Variants in GLT1D1 observed in about 807,000 individuals in gnomAD.
GLT1D1 encodes the protein glycosyltransferase 1 domain containing 1, also known as glycosyltransferase 1 domain-containing protein 1.
Under a neutral mutation model 28.7 loss-of-function variants are expected in GLT1D1, and 21 were observed. That is an observed-to-expected ratio of 0.73 (90% CI 0.52 to 1.05). The LOEUF (loss-of-function observed/expected upper bound fraction) is 1.05. Among genes scored for constraint, GLT1D1 ranks in the 50% least tolerant of loss-of-function variants. The pLI is 0.00. For synonymous variants in GLT1D1, 147 were observed against 124.8 expected, an observed-to-expected ratio of 1.18 and a Z score of -1.19; for missense variants, 343 against 330.6, an observed-to-expected ratio of 1.04 and a Z score of -0.29.
At position 128,853,620 on chromosome 12, in the gene GLT1D1, C is replaced by A; in HGVS notation, c.39C>A (p.Thr13=). The A allele has an allele frequency of 1.7e-6, 2 of 1,179,638 alleles. No individual in the cohort carries two copies. Among genetic ancestry groups the A allele is most frequent in the Middle Eastern group, 3.5e-4 (1 of 2,882 alleles). The allele number at this position is 1,179,638 out of a possible 1,614,324, so 73.1% of individuals were successfully genotyped here. Reference sequence around the variant, plus strand: ...TCCTGGCGGTGCTGCGGCCACACACCGGCAACGCGGTCACGGCCCAGCGCG... The same window carrying A: ...TCCTGGCGGTGCTGCGGCCACACACAGGCAACGCGGTCACGGCCCAGCGCG... The change falls in exon 1 of 8, where the codon ACC becomes ACA. Residue 13 remains threonine, a synonymous_variant. Transcript: ENST00000281703.
chr12:128,891,123 A>T (rs1349609347), intron 3 of GLT1D1, among the ~76,000 whole-genome samples: 1 of 151,714 alleles, frequency 6.6e-6, no homozygotes, highest in Admixed American at 6.6e-5. Flanking sequence ...AAAAAATTTA[A>T]TTAATTAAAA....
intron 4 of GLT1D1, among the ~76,000 whole-genome samples, chr12:128,941,435 C>T (rs1056466418): frequency 4.6e-5 from 7 of 152,258 alleles, no homozygotes; most frequent in Middle Eastern, 3.4e-3. Flanking sequence ...TTTCTGGAAA[C>T]GACTCTGTCT....
At chr12:128,895,062 T>C (rs1187699629) in intron 3 of GLT1D1, among the ~76,000 whole-genome samples, 1 of 152,068 alleles carries the variant, frequency 6.6e-6, no homozygotes, top group Non-Finnish European at 1.5e-5. Flanking sequence ...TCTGAGCACT[T>C]TTCTACTTTC....
intron 4 of GLT1D1, among the ~76,000 whole-genome samples, chr12:128,942,683 C>T (rs116188195): frequency 1.3e-3 from 195 of 151,930 alleles, no homozygotes; most frequent in African/African-American, 4.1e-3. Context: ...AGCACATCAG[C>T]AGCCATCCTT....
chr12:128,983,400 A>AG lies in GLT1D1; in HGVS notation c.*313dup. On this transcript the variant is annotated 3_prime_UTR_variant, in exon 8 of 8. Coordinates refer to ENST00000281703, the MANE Select transcript of GLT1D1 (RefSeq NM_144669.3). The surrounding 1 kb of genome is among the most constrained non-coding windows in gnomAD (Gnocchi z 4.7). The stretch of plus-strand genomic sequence containing the variant: ...GGGAGAGAATTTGATTACCTGCCTT[A>AG]GGGCTTTGGTGTGGACAATAGAGGC... 3.1e-6 allele frequency: 1 copy of AG among 321,906 alleles called. No individual in the cohort carries two copies. The highest frequency in any genetic ancestry group is 5.8e-6 in the Non-Finnish European group (1 of 171,518). The allele number at this position is 321,906 out of a possible 1,614,324, so 19.9% of individuals were successfully genotyped here.
At chr12:128,880,989 T>C (rs1957017720) in intron 2 of GLT1D1, among the ~76,000 whole-genome samples, 1 of 151,838 alleles carries the variant, frequency 6.6e-6, no homozygotes, top group Non-Finnish European at 1.5e-5. Context: ...CTTTGGGTGG[T>C]GGAGACGGGC....
intron 4 of GLT1D1, among the ~76,000 whole-genome samples, chr12:128,909,632 G>C (rs1485356866): frequency 3.3e-5 from 5 of 152,204 alleles, no homozygotes; most frequent in African/African-American, 1.2e-4. Flanking sequence ...TCCATTTGCA[G>C]AAAGTTTAAT....
At chr12:128,853,783 A>C in intron 1 of GLT1D1, 134 bp downstream of exon 1, 37 of 528,862 alleles carry the variant, frequency 7.0e-5, no homozygotes, top group Non-Finnish European at 8.6e-5. Flanking sequence ...GCGCGCACAA[A>C]CGGATGGGCC....
rs186159658 is a variant in GLT1D1 at position 128,975,131 on chromosome 12, A to T, written c.640-7798A>T. On this transcript the variant is annotated intron_variant, in intron 7 of 7. Transcript: ENST00000281703. The stretch of plus-strand genomic sequence containing the variant: ...ACCATGTCTGTGGGTGGCCTGTTAG[A>T]TACACGCTCAGGCATTGTCCCGGCA... Among the ~76,000 whole-genome samples the T allele has an allele frequency of 3.3e-5, 5 of 152,262 alleles. No individual in the cohort carries two copies. In the East Asian group the frequency reaches 9.7e-4, roughly 29 times the overall value.
intron 4 of GLT1D1, chr12:128,906,852 A>G (rs1870930168): frequency 1.4e-6 from 1 of 700,070 alleles, no homozygotes; most frequent in African/African-American, 1.8e-5. Flanking sequence ...CCTAAAGTGT[A>G]ATTTTACTTT....
At chr12:128,918,814 G>T (rs1386767405) in intron 4 of GLT1D1, among the ~76,000 whole-genome samples, 1 of 152,234 alleles carries the variant, frequency 6.6e-6, no homozygotes, top group African/African-American at 2.4e-5. Context: ...GTAGGAGAAT[G>T]ATTTGTCATC....
chr12:128,946,278 T>C (rs957018246), intron 5 of GLT1D1, among the ~76,000 whole-genome samples: 1 of 152,236 alleles, frequency 6.6e-6, no homozygotes, highest in African/African-American at 2.4e-5. Context: ...AAAATAGCTG[T>C]CAGCGCTGTG....
intron 3 of GLT1D1, among the ~76,000 whole-genome samples, chr12:128,890,025 C>T (rs1015818427): frequency 7.2e-5 from 11 of 152,290 alleles, no homozygotes; most frequent in Non-Finnish European, 1.2e-4. Context: ...CCACCTGCCT[C>T]GGCCTCCCAA....
intron 7 of GLT1D1, among the ~76,000 whole-genome samples, chr12:128,976,984 GAA>G (rs1161526294): frequency 6.6e-6 from 1 of 152,088 alleles, no homozygotes. Flanking sequence ...TGTCTCTACT[GAA>G]AAAACAAAAA....
chr12:128,894,229 TC>T (rs1335523765), intron 3 of GLT1D1, among the ~76,000 whole-genome samples: 1 of 152,134 alleles, frequency 6.6e-6, no homozygotes, highest in Non-Finnish European at 1.5e-5. Context: ...TCCTTACTTT[TC>T]CCTTCAGTAG....
intron 2 of GLT1D1, among the ~76,000 whole-genome samples, chr12:128,877,711 T>C (rs992186188): frequency 1.3e-5 from 2 of 152,238 alleles, no homozygotes; most frequent in African/African-American, 4.8e-5. Flanking sequence ...GAAATATATG[T>C]ACTGTATTGA....
Position 128,984,183 on chromosome 12 carries a change from A to G in GLT1D1, c.*1093A>G, listed in dbSNP as rs1247416007. The G allele has an allele frequency of 6.6e-6, 1 of 152,232 alleles. No homozygotes were observed. Among genetic ancestry groups the G allele is most frequent in the East Asian group, 1.9e-4 (1 of 5,182 alleles). The allele number at this position is 152,232 out of a possible 1,614,324, so 9.4% of individuals were successfully genotyped here. On this transcript the variant is annotated 3_prime_UTR_variant, in exon 8 of 8. Coordinates refer to ENST00000281703, the MANE Select transcript of GLT1D1 (RefSeq NM_144669.3). Reference sequence around the variant, plus strand: ...AGCAGTCTGCTTTGAGGAGGCGAGAAGGCAAAGCCAGGGCAGGGCGTTGCT... The same window carrying G: ...AGCAGTCTGCTTTGAGGAGGCGAGAGGGCAAAGCCAGGGCAGGGCGTTGCT...
In GLT1D1 at chr12:128,983,181, G is replaced by A; in HGVS notation, c.*91G>A. 1 of 1,203,752 alleles carries A rather than the reference G, an allele frequency of 8.3e-7. No homozygotes were observed. The highest frequency in any genetic ancestry group is 1.2e-6 in the Non-Finnish European group (1 of 843,652). The allele number at this position is 1,203,752 out of a possible 1,614,324, so 74.6% of individuals were successfully genotyped here. On this transcript the variant is annotated 3_prime_UTR_variant, in exon 8 of 8. Transcript: ENST00000281703. The surrounding 1 kb of genome is among the most constrained non-coding windows in gnomAD (Gnocchi z 4.7). ...TTCTGGATCACGTGGGCCCAGTGCAGTTCAAATAAAACCAGCCTCAGCGGA... is the reference window on the plus strand; with the variant it reads ...TTCTGGATCACGTGGGCCCAGTGCAATTCAAATAAAACCAGCCTCAGCGGA...
chr12:128,885,777 G>A (rs567549604), intron 2 of GLT1D1, among the ~76,000 whole-genome samples: 2 of 151,950 alleles, frequency 1.3e-5, no homozygotes, highest in East Asian at 1.9e-4. Flanking sequence ...AAACAACCTC[G>A]TTGATAGTGT....
Sources: allele counts gnomAD v4.1 joint callset (sites outside exome capture counted in the v4.1 genomes callset), GRCh38; gene constraint gnomAD v4.1.1; non-coding constraint Gnocchi (gnomAD v3.1); transcripts MANE v1.5; gene names NCBI Gene and HGNC (gene_info 2026-07-23, HGNC 2026-07-21).